TMLHE: variants seen among roughly 807,000 people sequenced by gnomAD.
TMLHE encodes trimethyllysine hydroxylase, epsilon.
Under a neutral mutation model 25.7 loss-of-function variants are expected in TMLHE, and 18 were observed. The ratio of observed to expected loss-of-function variants is 0.70; its 90% CI spans 0.48 to 1.04. The LOEUF (loss-of-function observed/expected upper bound fraction) is 1.04, where lower values mean the gene tolerates loss of function less well. Among genes scored for constraint, TMLHE ranks in the 50% least tolerant of loss-of-function variants. TMLHE has a pLI of 0.00. For missense variants in TMLHE, 236 were observed against 259.0 expected, an observed-to-expected ratio of 0.91 and a Z score of 0.61; for synonymous variants, 105 against 97.0, an observed-to-expected ratio of 1.08 and a Z score of -0.49.
chrX:155,557,649 G>A (rs1313563923), intron 1 of TMLHE, among the ~76,000 whole-genome samples: 1 of 110,757 alleles, frequency 9.0e-6, no homozygotes, highest in Admixed American at 9.6e-5. Flanking sequence ...AAATATATCA[G>A]CAACCAAAAA....
chrX:155,588,322 T>A (rs1262114022), intron 1 of TMLHE, among the ~76,000 whole-genome samples: 1 of 111,939 alleles, frequency 8.9e-6, no homozygotes, highest in Non-Finnish European at 1.9e-5. Context: ...AAACTGGACC[T>A]CTTTCTCTCT....
At chrX:155,541,523 T>C (rs1374837207) in intron 2 of TMLHE, among the ~76,000 whole-genome samples, 1 of 111,793 alleles carries the variant, frequency 8.9e-6, no homozygotes, top group Non-Finnish European at 1.9e-5. Flanking sequence ...CATATGTCTT[T>C]ATAGTAGAAT....
At chrX:155,563,866 ATTTG>A (rs1557342009) in intron 1 of TMLHE, among the ~76,000 whole-genome samples, 1 of 61,633 alleles carries the variant, frequency 1.6e-5, no homozygotes, top group African/African-American at 3.6e-5. Flanking sequence ...ACTTGTAATT[ATTTG>A]TTTATTTGTT....
intron 2 of TMLHE, among the ~76,000 whole-genome samples, chrX:155,534,302 C>T (rs1017959756): frequency 1.8e-5 from 2 of 111,923 alleles, no homozygotes; most frequent in African/African-American, 6.5e-5. Flanking sequence ...GGTGCGATCT[C>T]GGCTTACTGC....
chrX:155,591,958 T>C (rs781831239), intron 1 of TMLHE, among the ~76,000 whole-genome samples: 18 of 111,863 alleles, frequency 1.6e-4, no homozygotes, highest in Non-Finnish European at 3.0e-4. Context: ...TATCCATCAA[T>C]AGGTGAAAGT....
chrX:155,513,924 T>C (rs782788064), intron 4 of TMLHE, 62 bp downstream of exon 4: 49 of 1,075,149 alleles, frequency 4.6e-5, no homozygotes, highest in Non-Finnish European at 5.9e-5. Flanking sequence ...CATTTATTTA[T>C]TGGTGTTCAT....
intron 2 of TMLHE, among the ~76,000 whole-genome samples, chrX:155,541,133 G>C (rs184768421): frequency 9.1e-6 from 1 of 110,441 alleles, no homozygotes; most frequent in Non-Finnish European, 1.9e-5. Context: ...AGCCATGGTG[G>C]TTTGCTGCAC....
chrX:155,536,164 CTTGT>C (rs1365867747), intron 2 of TMLHE, among the ~76,000 whole-genome samples: 1 of 111,293 alleles, frequency 9.0e-6, no homozygotes, highest in African/African-American at 3.3e-5. Context: ...TTGTCTTATG[CTTGT>C]TTATCATTGC....
intron 1 of TMLHE, among the ~76,000 whole-genome samples, chrX:155,577,411 C>G (rs2067597699): frequency 9.1e-6 from 1 of 109,849 alleles, no homozygotes. Context: ...AACCCCATCT[C>G]TACTAAAAAT....
chrX:155,585,481 C>T (rs1007030796), intron 1 of TMLHE, among the ~76,000 whole-genome samples: 3 of 110,170 alleles, frequency 2.7e-5, no homozygotes, highest in South Asian at 3.9e-4. Context: ...AATCTGTGTG[C>T]TCCATGAAAA....
At chrX:155,532,414 T>C (rs1423434594) in intron 2 of TMLHE, among the ~76,000 whole-genome samples, 1 of 112,129 alleles carries the variant, frequency 8.9e-6, no homozygotes, top group Non-Finnish European at 1.9e-5. Flanking sequence ...ATCACCTCCA[T>C]GTACCTATAT....
intron 1 of TMLHE, among the ~76,000 whole-genome samples, chrX:155,560,785 G>C (rs1557341731): frequency 1.6e-5 from 1 of 61,464 alleles, no homozygotes; most frequent in Middle Eastern, 0.014. Context: ...AGATCATGTA[G>C]GGCCTTATAA....
chrX:155,510,328 C>A (rs2067099981), intron 5 of TMLHE, among the ~76,000 whole-genome samples: 1 of 104,675 alleles, frequency 9.6e-6, no homozygotes, highest in South Asian at 4.6e-4. Context: ...ATACATGTGC[C>A]ATGCTGGTGT....
chrX:155,504,421 T>C lies in TMLHE; in HGVS notation c.995+2477A>G, dbSNP rs782738650. ...AGAGCAAACAAGTTTTGGTAGGGCCTGGTGGGAGGTGTTTTCATCATGGGG... is the reference window on the plus strand; with the variant it reads ...AGAGCAAACAAGTTTTGGTAGGGCCCGGTGGGAGGTGTTTTCATCATGGGG... On this transcript the variant is annotated intron_variant, in intron 6 of 7. Transcript: ENST00000334398. Among the ~76,000 whole-genome samples the C allele has an allele frequency of 2.3e-4, 21 of 92,882 alleles. No homozygotes were observed. In the East Asian group the frequency reaches 2.8e-3, roughly 12 times the overall value. The allele number at this position is 92,882 out of a possible 115,157, so 80.7% of individuals were successfully genotyped here.
At chrX:155,515,285 A>G (rs782612671) in intron 3 of TMLHE, among the ~76,000 whole-genome samples, 1 of 110,914 alleles carries the variant, frequency 9.0e-6, no homozygotes, top group South Asian at 3.7e-4. Context: ...CAATTTTTAA[A>G]ATTAAATTTT....
At position 155,548,531 on chromosome X, in the gene TMLHE, T is replaced by C. The variant is rs781856271; in HGVS notation, c.-1-3254A>G. ...CGGGCGGATCACAAGGTCAGCAGTA[T>C]GAGGCCAGCCTGACTAACATGGTGA... On this transcript the variant is annotated intron_variant, in intron 1 of 7. Transcript: ENST00000334398. Among the ~76,000 whole-genome samples the C allele has an allele frequency of 2.5e-3, 275 of 107,857 alleles. 8 individuals carry two copies. The highest frequency in any genetic ancestry group is 8.6e-3 in the African/African-American group (240 of 28,048). 93.7% of individuals were successfully genotyped at this position (107,857 alleles called of 115,157 possible).
At chrX:155,539,568 C>A (rs2067299153) in intron 2 of TMLHE, among the ~76,000 whole-genome samples, 1 of 111,526 alleles carries the variant, frequency 9.0e-6, no homozygotes, top group African/African-American at 3.3e-5. Context: ...TGCAACCAGA[C>A]CACAAAGACT....
intron 2 of TMLHE, among the ~76,000 whole-genome samples, chrX:155,537,560 A>G (rs1557337745): frequency 9.0e-6 from 1 of 110,973 alleles, no homozygotes; most frequent in African/African-American, 3.3e-5. Context: ...CTTCAACCCC[A>G]TAAAGAGCTC....
At chrX:155,577,381 C>T (rs1378097002) in intron 1 of TMLHE, among the ~76,000 whole-genome samples, 1 of 110,447 alleles carries the variant, frequency 9.1e-6, no homozygotes, top group Non-Finnish European at 1.9e-5. Flanking sequence ...AGTTTGAGAC[C>T]AGGCTGGGCA....
Sources: allele counts gnomAD v4.1 joint callset (sites outside exome capture counted in the v4.1 genomes callset), GRCh38; gene constraint gnomAD v4.1.1; transcripts MANE v1.5; gene names NCBI Gene and HGNC (gene_info 2026-07-23, HGNC 2026-07-21).